Variants in PLD5 observed in about 807,000 individuals in gnomAD.
PLD5 encodes the protein inactive phospholipase D5.
A neutral mutation model predicts 61.1 loss-of-function variants in PLD5; 36 were observed. That is an observed-to-expected ratio of 0.59 (90% confidence interval 0.45 to 0.78). The LOEUF (loss-of-function observed/expected upper bound fraction) is 0.78. Among genes scored for constraint, PLD5 ranks in the 30% least tolerant of loss-of-function variants. The probability of loss-of-function intolerance (pLI) is 0.00; values close to 1 mark genes in which losing one functional copy is unlikely to be tolerated. For missense variants in PLD5, 515 were observed against 644.4 expected (o/e 0.80, Z 2.17); for synonymous variants, 243 against 242.8 (o/e 1.00, Z -0.01).
At chr1:242,359,441 G>A (rs964207698) in intron 1 of PLD5, among the ~76,000 whole-genome samples, 1 of 152,184 alleles carries the variant, frequency 6.6e-6, no homozygotes, top group African/African-American at 2.4e-5. Context: ...CCATGGAAAT[G>A]AAGAAAAGCA....
chr1:242,352,627 C>T lies in PLD5; in HGVS notation c.190-4385G>A, dbSNP rs574103627. Among the ~76,000 whole-genome samples the T allele has an allele frequency of 2.9e-3, 434 of 152,240 alleles. 1 individual carries two copies. The highest frequency in any genetic ancestry group is 0.01 in the Middle Eastern group (3 of 294). On this transcript the variant is annotated intron_variant, in intron 1 of 9. Transcript: ENST00000536534. ...TTTAGTTTTTTGAGGAATCTCCATA[C>T]AGTTTTCTATAATGGCTACACTAAT...
At chr1:242,302,765 C>G (rs1676134203) in intron 2 of PLD5, among the ~76,000 whole-genome samples, 1 of 152,174 alleles carries the variant, frequency 6.6e-6, no homozygotes, top group South Asian at 2.1e-4. Context: ...GAGATTTGCT[C>G]ATTCTCTGGG....
At chr1:242,392,854 A>C (rs548294597) in intron 1 of PLD5, among the ~76,000 whole-genome samples, 1 of 152,260 alleles carries the variant, frequency 6.6e-6, no homozygotes, top group East Asian at 1.9e-4. Flanking sequence ...CATTATCTCC[A>C]CTCGATTAGA....
At chr1:242,214,381 G>A (rs185775194) in intron 5 of PLD5, among the ~76,000 whole-genome samples, 29 of 152,256 alleles carry the variant, frequency 1.9e-4, no homozygotes, top group Admixed American at 1.9e-3. Context: ...AACCTTGAGA[G>A]AGCCCTAATT....
intron 3 of PLD5, among the ~76,000 whole-genome samples, chr1:242,286,718 T>C (rs188992408): frequency 6.6e-6 from 1 of 152,292 alleles, no homozygotes; most frequent in African/African-American, 2.4e-5. Context: ...CTTGTGAAGA[T>C]CCACATGTAC....
chr1:242,190,340 G>T (rs112146222), intron 5 of PLD5, among the ~76,000 whole-genome samples: 6,760 of 151,232 alleles, frequency 0.045, 499 homozygotes, highest in African/African-American at 0.15. Context: ...TAGAGACGGG[G>T]TTTCACCATG....
At chr1:242,516,379 T>C (rs1348410643) in intron 1 of PLD5, among the ~76,000 whole-genome samples, 1 of 151,798 alleles carries the variant, frequency 6.6e-6, no homozygotes, top group Non-Finnish European at 1.5e-5. Flanking sequence ...ACTAATCTAA[T>C]AAATTGGGAT....
intron 1 of PLD5, among the ~76,000 whole-genome samples, chr1:242,364,450 C>T (rs1661231169): frequency 6.6e-6 from 1 of 152,192 alleles, no homozygotes; most frequent in Non-Finnish European, 1.5e-5. Flanking sequence ...GGAGCAGTGG[C>T]TCACATCTGT....
chr1:242,235,863 CAG>C (rs1200330051), intron 4 of PLD5: 3 of 145,048 alleles, frequency 2.1e-5, no homozygotes, highest in Non-Finnish European at 4.6e-5. Context: ...TCTTCCAGTG[CAG>C]AGAGTGGGGA....
At chr1:242,135,834 T>C (rs1426069778) in intron 5 of PLD5, among the ~76,000 whole-genome samples, 2 of 152,192 alleles carry the variant, frequency 1.3e-5, no homozygotes, top group African/African-American at 2.4e-5. Flanking sequence ...ACTTCTACCC[T>C]TTTGGAAGCA....
intron 6 of PLD5, among the ~76,000 whole-genome samples, chr1:242,116,168 C>T (rs1044274243): frequency 6.6e-6 from 1 of 152,110 alleles, no homozygotes; most frequent in Non-Finnish European, 1.5e-5. Flanking sequence ...TAGTATTGGG[C>T]GGTCAGAGTT....
At chr1:242,300,251 C>T (rs1675946827) in intron 2 of PLD5, among the ~76,000 whole-genome samples, 2 of 151,912 alleles carry the variant, frequency 1.3e-5, no homozygotes, top group African/African-American at 4.8e-5. Context: ...CCAGCCTGGT[C>T]AACATGGTGA....
At position 242,093,732 on chromosome 1, in the gene PLD5, C is replaced by T. The variant is rs191214985; in HGVS notation, c.1355-3622G>A. ...ACCCCCGAGGTCAGGAGCATCATAGCCACATTGAGAATTCTGCTACGTGCA... is the reference window on the plus strand; with the variant it reads ...ACCCCCGAGGTCAGGAGCATCATAGTCACATTGAGAATTCTGCTACGTGCA... On this transcript the variant is annotated intron_variant, in intron 9 of 9. Transcript: ENST00000536534. Among the ~76,000 whole-genome samples the T allele has an allele frequency of 1.1e-4, 16 of 152,024 alleles. No homozygotes were observed. The East Asian group carries it at 2.9e-3, about 28-fold the overall frequency.
chr1:242,101,508 C>T (rs1660685355), intron 8 of PLD5, among the ~76,000 whole-genome samples: 1 of 152,172 alleles, frequency 6.6e-6, no homozygotes, highest in Non-Finnish European at 1.5e-5. Context: ...TGTGGCTAAG[C>T]TCATGGAACT....
rs116259397 is a variant in PLD5, at chr1:242,125,401, C to A, written c.736-736G>T. Among the ~76,000 whole-genome samples the A allele has an allele frequency of 4.6e-3, 706 of 152,108 alleles. 5 individuals are homozygous for A. Among genetic ancestry groups the A allele is most frequent in the African/African-American group, 0.016 (663 of 41,514 alleles). ...ATGGATGAGGAAAGTAAAGCTCACA[C>A]AAATAAGTAAAAATACTAGCCCCAA... On this transcript the variant is annotated intron_variant, in intron 5 of 9. Coordinates refer to ENST00000536534, the MANE Select transcript of PLD5 (RefSeq NM_001372062.1).
chr1:242,462,827 A>G (rs751538409), intron 1 of PLD5, among the ~76,000 whole-genome samples: 4 of 152,082 alleles, frequency 2.6e-5, no homozygotes, highest in Non-Finnish European at 5.9e-5. Context: ...ATCAGACTAG[A>G]TCATCCAATA....
intron 5 of PLD5, among the ~76,000 whole-genome samples, chr1:242,132,338 G>C (rs1421356754): frequency 6.6e-6 from 1 of 151,446 alleles, no homozygotes; most frequent in Admixed American, 6.6e-5. Context: ...AGAGAGGAGA[G>C]ACATTAGCAC....
chr1:242,509,896 G>A (rs1668849087), intron 1 of PLD5, among the ~76,000 whole-genome samples: 2 of 152,114 alleles, frequency 1.3e-5, no homozygotes, highest in Non-Finnish European at 2.9e-5. Context: ...TGAAATGAGA[G>A]CTAGGGACTC....
intron 1 of PLD5, among the ~76,000 whole-genome samples, chr1:242,481,380 C>T (rs528926837): frequency 1.2e-4 from 19 of 152,318 alleles, no homozygotes; most frequent in South Asian, 4.1e-4. Flanking sequence ...ACTTTTCCAA[C>T]GGTCTTAGCA....
Sources: gnomAD v4.1 joint callset for allele counts (sites outside exome capture counted in the v4.1 genomes callset) on GRCh38, gnomAD v4.1.1 for gene constraint, MANE v1.5 for transcripts, NCBI Gene and HGNC (gene_info 2026-07-23, HGNC 2026-07-21) for gene names.